VEPH1: variants seen among roughly 807,000 people sequenced by gnomAD.
VEPH1 encodes ventricular zone-expressed PH domain-containing protein homolog 1.
VEPH1 carries 80 observed loss-of-function variants against 85.2 expected under a neutral mutation model. The ratio of observed to expected loss-of-function variants is 0.94; its 90% CI spans 0.78 to 1.13. The LOEUF (loss-of-function observed/expected upper bound fraction) is 1.13, where lower values mean the gene tolerates loss of function less well. Ranked by LOEUF, VEPH1 falls within the 50% of genes most tolerant of loss-of-function variation. The pLI is 0.00. For missense variants in VEPH1, 955 were observed against 980.5 expected (o/e 0.97, Z 0.35); for synonymous variants, 297 against 348.0 (o/e 0.85, Z 1.63).
At chr3:157,323,147 T>TC (rs1721533338) in intron 9 of VEPH1, among the ~76,000 whole-genome samples, 1 of 152,184 alleles carries the variant, frequency 6.6e-6, no homozygotes, top group Non-Finnish European at 1.5e-5. Context: ...CCTCCTCACC[T>TC]CCAAGTTAAA....
intron 2 of VEPH1, among the ~76,000 whole-genome samples, chr3:157,475,726 T>C (rs770237755): frequency 6.6e-6 from 1 of 152,164 alleles, no homozygotes; most frequent in Non-Finnish European, 1.5e-5. Context: ...GTTGGCTGGG[T>C]ATGTGGGTGA....
chr3:157,274,705 G>A (rs974534578), intron 12 of VEPH1, among the ~76,000 whole-genome samples: 2 of 152,030 alleles, frequency 1.3e-5, no homozygotes, highest in African/African-American at 2.4e-5. Flanking sequence ...TTACCATGCT[G>A]CCCAGGCTGG....
intron 5 of VEPH1, among the ~76,000 whole-genome samples, chr3:157,425,268 C>T (rs1003763443): frequency 1.3e-5 from 2 of 152,204 alleles, no homozygotes; most frequent in Non-Finnish European, 2.9e-5. Flanking sequence ...TATGGAAATG[C>T]CTGGATGTCC....
intron 6 of VEPH1, among the ~76,000 whole-genome samples, chr3:157,408,998 T>A (rs1246233563): frequency 6.6e-6 from 1 of 152,100 alleles, no homozygotes; most frequent in African/African-American, 2.4e-5. Context: ...ACACTCACAC[T>A]TGTATTTTTC....
At chr3:157,267,543 G>A (rs930039010) in intron 12 of VEPH1, among the ~76,000 whole-genome samples, 1 of 151,980 alleles carries the variant, frequency 6.6e-6, no homozygotes, top group African/African-American at 2.4e-5. Context: ...CCAGCACTTT[G>A]GGAGGCCGAG....
Position 157,413,966 on chromosome 3 carries a change from G to T in VEPH1, c.821C>A (p.Pro274Gln), listed in dbSNP as rs1159376334. ...TCTCTCACCAATCTCTTTCAGCATT[G>T]GAAGAAAACTGTTCAAAGCCACTGG... ...YEPVALNSFL[P>Q]MLKEIGERFP... Residue 274 changes from proline (P) to glutamine (Q), a missense_variant, in exon 6 of 14, where the codon CCA becomes CAA. Transcript: ENST00000362010. The T allele has an allele frequency of 6.2e-7, 1 of 1,613,570 alleles. No homozygotes were observed. Among genetic ancestry groups the T allele is most frequent in the South Asian group, 1.1e-5 (1 of 91,060 alleles).
At chr3:157,495,144 A>T in intron 2 of VEPH1, 68 bp downstream of exon 2, 1 of 1,485,394 alleles carries the variant, frequency 6.7e-7, no homozygotes, top group Non-Finnish European at 9.2e-7. Flanking sequence ...TTCTGCCAGG[A>T]TATAAACAAA....
At chr3:157,452,247 AGTC>A (rs1347882796) in intron 4 of VEPH1, among the ~76,000 whole-genome samples, 1 of 152,220 alleles carries the variant, frequency 6.6e-6, no homozygotes, top group African/African-American at 2.4e-5. Flanking sequence ...TGCAGAAACA[AGTC>A]ATCATCTGCT....
chr3:157,269,128 T>C (rs1714155250), intron 12 of VEPH1, among the ~76,000 whole-genome samples: 1 of 152,240 alleles, frequency 6.6e-6, no homozygotes, highest in Non-Finnish European at 1.5e-5. Context: ...TTTAAGTACA[T>C]GGATCCTTTT....
chr3:157,334,566 T>A (rs893470325), intron 9 of VEPH1, among the ~76,000 whole-genome samples: 2 of 152,202 alleles, frequency 1.3e-5, no homozygotes, highest in Non-Finnish European at 2.9e-5. Context: ...AGCATCACCA[T>A]CATTAACAAA....
At chr3:157,437,458 C>T in intron 4 of VEPH1, 1 of 1,558,988 alleles carries the variant, frequency 6.4e-7, no homozygotes, top group Admixed American at 1.9e-5. Context: ...TTTTACAAAG[C>T]ACATCCAAGG....
intron 11 of VEPH1, among the ~76,000 whole-genome samples, chr3:157,305,819 A>C (rs996891006): frequency 3.9e-5 from 6 of 152,206 alleles, no homozygotes; most frequent in African/African-American, 1.4e-4. Flanking sequence ...TACTTTGCCT[A>C]CTAATAAGGC....
chr3:157,413,576 A>G (rs978118639), intron 6 of VEPH1: 1 of 985,204 alleles, frequency 1.0e-6, no homozygotes, highest in African/African-American at 1.7e-5. Context: ...CTCCTTCTTC[A>G]GGTGACACAG....
chr3:157,300,461 T>G (rs1559936410), intron 11 of VEPH1, among the ~76,000 whole-genome samples: 1 of 152,134 alleles, frequency 6.6e-6, no homozygotes, highest in East Asian at 1.9e-4. Flanking sequence ...ATGAAAGAAA[T>G]ATAATACATG....
chr3:157,403,937 G>C (rs747288618), intron 6 of VEPH1, among the ~76,000 whole-genome samples: 2 of 152,036 alleles, frequency 1.3e-5, no homozygotes, highest in African/African-American at 2.4e-5. Context: ...ACACCACCTG[G>C]GCATCTTGTT....
chr3:157,491,078 A>G (rs1359273689), intron 2 of VEPH1, among the ~76,000 whole-genome samples: 1 of 152,158 alleles, frequency 6.6e-6, no homozygotes, highest in Non-Finnish European at 1.5e-5. Context: ...ATGGATGTGT[A>G]GCAAAAACAA....
intron 7 of VEPH1, among the ~76,000 whole-genome samples, chr3:157,372,401 G>C (rs1299836232): frequency 6.6e-6 from 1 of 152,152 alleles, no homozygotes; most frequent in Non-Finnish European, 1.5e-5. Context: ...CTTACCTATA[G>C]CAAAGTTTAT....
chr3:157,415,599 T>G (rs1731856517), intron 5 of VEPH1, among the ~76,000 whole-genome samples: 1 of 152,050 alleles, frequency 6.6e-6, no homozygotes, highest in Admixed American at 6.5e-5. Flanking sequence ...ATGGTGTTTT[T>G]TCCTGCCTTA....
intron 11 of VEPH1, among the ~76,000 whole-genome samples, chr3:157,311,964 C>G (rs1720159254): frequency 6.6e-6 from 1 of 152,088 alleles, no homozygotes; most frequent in African/African-American, 2.4e-5. Context: ...GTGATGCAAT[C>G]GTTTCATATG....
Sources: gnomAD v4.1 joint callset for allele counts (sites outside exome capture counted in the v4.1 genomes callset) on GRCh38, gnomAD v4.1.1 for gene constraint, MANE v1.5 for transcripts, NCBI Gene and HGNC (gene_info 2026-07-23, HGNC 2026-07-21) for gene names.